Variants in HS3ST4 observed in about 807,000 individuals in gnomAD.
HS3ST4 encodes heparan sulfate glucosamine 3-O-sulfotransferase 4.
Under a neutral mutation model 29.2 loss-of-function variants are expected in HS3ST4, and 17 were observed. The ratio of observed to expected loss-of-function variants is 0.58; its 90% CI spans 0.40 to 0.87. The LOEUF (loss-of-function observed/expected upper bound fraction) is 0.87, where lower values mean the gene tolerates loss of function less well. HS3ST4 is among the 40% of genes least tolerant of loss of function. The pLI, the probability that HS3ST4 is intolerant of heterozygous loss-of-function variation, is 0.00. For synonymous variants in HS3ST4, 314 were observed against 285.7 expected (o/e 1.10, Z -1.00); for missense variants, 627 against 634.5 (o/e 0.99, Z 0.13).
intron 1 of HS3ST4, among the ~76,000 whole-genome samples, chr16:25,736,005 G>A (rs1966606717): frequency 6.6e-6 from 1 of 152,304 alleles, no homozygotes; most frequent in East Asian, 1.9e-4. Flanking sequence ...TTATTATCTT[G>A]TAACAGTTGT....
In HS3ST4 at chr16:26,119,991, G is replaced by A. The variant is rs775424814; in HGVS notation, c.735-15621G>A. ...GGGGTGGGGGATTGCTAGATGAGGAGGTGAAGTTTGCACTGAGACCTGAAT... is the reference window on the plus strand; with the variant it reads ...GGGGTGGGGGATTGCTAGATGAGGAAGTGAAGTTTGCACTGAGACCTGAAT... On this transcript the variant is annotated intron_variant, in intron 1 of 1. Coordinates refer to ENST00000331351, the MANE Select transcript of HS3ST4 (RefSeq NM_006040.3). 8.5e-4 allele frequency among the ~76,000 whole-genome samples: 129 copies of A among 152,044 alleles called. 1 individual carries two copies. The highest frequency in any genetic ancestry group is 1.6e-3 in the Non-Finnish European group (112 of 68,004).
At chr16:25,907,725 A>G (rs1472364457) in intron 1 of HS3ST4, among the ~76,000 whole-genome samples, 2 of 152,162 alleles carry the variant, frequency 1.3e-5, no homozygotes, top group East Asian at 1.9e-4. Flanking sequence ...CACACAGTGC[A>G]CATGTTCTGC....
intron 1 of HS3ST4, among the ~76,000 whole-genome samples, chr16:25,700,308 A>T (rs1966326329): frequency 6.6e-6 from 1 of 152,156 alleles, no homozygotes; most frequent in Admixed American, 6.5e-5. Flanking sequence ...TTGAGCCTCC[A>T]GTAGGAATGG....
At chr16:25,764,053 C>A (rs540139373) in intron 1 of HS3ST4, among the ~76,000 whole-genome samples, 1 of 152,124 alleles carries the variant, frequency 6.6e-6, no homozygotes, top group Non-Finnish European at 1.5e-5. Flanking sequence ...AAGGAGAATG[C>A]GGCATACCAG....
At chr16:25,931,757 G>A (rs775140996) in intron 1 of HS3ST4, among the ~76,000 whole-genome samples, 7 of 152,300 alleles carry the variant, frequency 4.6e-5, no homozygotes, top group Admixed American at 6.5e-5. Context: ...TGCAGAATTC[G>A]TTTAAGTCCT....
intron 1 of HS3ST4, among the ~76,000 whole-genome samples, chr16:25,842,350 A>T (rs1227575921): frequency 6.6e-6 from 1 of 152,262 alleles, no homozygotes; most frequent in Non-Finnish European, 1.5e-5. Context: ...CACTGAGATA[A>T]CTGACACAGT....
intron 1 of HS3ST4, among the ~76,000 whole-genome samples, chr16:25,929,396 A>G (rs935216815): frequency 1.3e-5 from 2 of 152,000 alleles, no homozygotes; most frequent in South Asian, 2.1e-4. Flanking sequence ...AAGAAAAAAA[A>G]AAGAAAAGAA....
At chr16:25,940,201 A>AT (rs10577362) in intron 1 of HS3ST4, among the ~76,000 whole-genome samples, 1,940 of 146,278 alleles carry the variant, frequency 0.013, 30 homozygotes, top group South Asian at 0.068. Context: ...TCCAGATTTG[A>AT]TTTTTTTTTT....
At chr16:25,869,406 C>G (rs145817194) in intron 1 of HS3ST4, among the ~76,000 whole-genome samples, 1 of 152,194 alleles carries the variant, frequency 6.6e-6, no homozygotes, top group Non-Finnish European at 1.5e-5. Flanking sequence ...GAAGGAAGAC[C>G]CCTCAGGTTC....
At chr16:25,727,189 A>G (rs1353265221) in intron 1 of HS3ST4, among the ~76,000 whole-genome samples, 1 of 152,222 alleles carries the variant, frequency 6.6e-6, no homozygotes, top group Non-Finnish European at 1.5e-5. Context: ...ACCCATATAT[A>G]TAAGATCCAT....
chr16:25,936,886 G>T (rs965332410), intron 1 of HS3ST4, among the ~76,000 whole-genome samples: 2 of 152,242 alleles, frequency 1.3e-5, no homozygotes, highest in African/African-American at 2.4e-5. Context: ...TAGAGTTTTG[G>T]AAGGAAGAAC....
chr16:25,816,213 A>T (rs572635717), intron 1 of HS3ST4, among the ~76,000 whole-genome samples: 1 of 152,184 alleles, frequency 6.6e-6, no homozygotes, highest in African/African-American at 2.4e-5. Context: ...GGAAAGCTGC[A>T]TGAGACCATT....
intron 1 of HS3ST4, among the ~76,000 whole-genome samples, chr16:26,026,372 G>A (rs955779772): frequency 1.3e-5 from 2 of 152,168 alleles, no homozygotes; most frequent in African/African-American, 2.4e-5. Context: ...AGAATAGTTC[G>A]TTATTGCACC....
chr16:26,038,503 C>T (rs1425089943), intron 1 of HS3ST4, among the ~76,000 whole-genome samples: 1 of 152,090 alleles, frequency 6.6e-6, no homozygotes, highest in African/African-American at 2.4e-5. Context: ...CTAGAAGGGT[C>T]CTGAACTCAG....
rs775567804 is a variant in HS3ST4, at chr16:25,781,650, T to G, written c.734+88499T>G. On this transcript the variant is annotated intron_variant, in intron 1 of 1. Coordinates refer to ENST00000331351, the MANE Select transcript of HS3ST4 (RefSeq NM_006040.3). ...CACAACCTGAGACCTTGAATATCTA[T>G]GTAACTTACCCAAGACCCCACAGCT... Among the ~76,000 whole-genome samples, 9 of 152,164 alleles carry G rather than the reference T, an allele frequency of 5.9e-5. 1 individual carries two copies. The highest frequency in any genetic ancestry group is 5.2e-4 in the Admixed American group (8 of 15,274).
intron 1 of HS3ST4, among the ~76,000 whole-genome samples, chr16:25,802,925 ATATGTGTG>A (rs59391674): frequency 0.29 from 37,646 of 131,304 alleles, 4,735 homozygotes; most frequent in East Asian, 0.35. Context: ...TTTAAGTTAT[ATATGTGTG>A]TGTGTGTGTG....
chr16:25,720,667 C>T (rs1021948374), intron 1 of HS3ST4, among the ~76,000 whole-genome samples: 6 of 152,206 alleles, frequency 3.9e-5, no homozygotes, highest in Non-Finnish European at 7.3e-5. Context: ...GCACCAGTCA[C>T]ATCACCACAC....
chr16:25,696,410 G>A (rs964080908), intron 1 of HS3ST4, among the ~76,000 whole-genome samples: 1 of 152,170 alleles, frequency 6.6e-6, no homozygotes, highest in African/African-American at 2.4e-5. Context: ...GCTCTCTCAT[G>A]GTTTGCAGAG....
chr16:26,128,694 G>A (rs1464351202), intron 1 of HS3ST4, among the ~76,000 whole-genome samples: 4 of 152,212 alleles, frequency 2.6e-5, no homozygotes, highest in South Asian at 2.1e-4. Context: ...CCCTGGACAA[G>A]GTTCTTTGTC....
Sources: gnomAD v4.1 joint callset for allele counts (sites outside exome capture counted in the v4.1 genomes callset) on GRCh38, gnomAD v4.1.1 for gene constraint, MANE v1.5 for transcripts, NCBI Gene and HGNC (gene_info 2026-07-23, HGNC 2026-07-21) for gene names.